The following DOCK8 variants were observed in gnomAD, a reference collection of about 807,000 sequenced individuals.
DOCK8 encodes the protein dedicator of cytokinesis protein 8.
A neutral mutation model predicts 245.6 loss-of-function variants in DOCK8; 141 were observed. The ratio of observed to expected loss-of-function variants is 0.57; its 90% CI spans 0.50 to 0.66. DOCK8 has a LOEUF of 0.66. DOCK8 is among the 30% of genes least tolerant of loss of function. The pLI, the probability that DOCK8 is intolerant of heterozygous loss-of-function variation, is 0.00. For missense variants in DOCK8, 2,965 were observed against 2,603.4 expected (o/e 1.14, Z -3.02); for synonymous variants, 1,168 against 970.2 (o/e 1.20, Z -3.79).
Position 464,099 on chromosome 9 carries a change from A to G in DOCK8, c.6240-60A>G. On this transcript the variant is annotated intron_variant, in intron 47 of 47. Transcript: ENST00000432829. ...CCAACCCTTTCTAAAAGGCTAACTG[A>G]TCTTTTCTTGCTTCTGTACGCTCTC... is the stretch of plus-strand genomic sequence containing the variant. 21 of 1,432,682 alleles carry G rather than the reference A, an allele frequency of 1.5e-5. No individual in the cohort carries two copies. The South Asian group carries it at 2.3e-4, about 16-fold the overall frequency. 88.7% of individuals were successfully genotyped at this position (1,432,682 alleles called of 1,614,324 possible). A position where few individuals can be genotyped will look rare whatever the true frequency, so the allele number is the denominator to read the frequency against.
At chr9:272,885 T>C in intron 2 of DOCK8, 1 of 207,198 alleles carries the variant, frequency 4.8e-6, no homozygotes, top group Non-Finnish European at 8.4e-6. Flanking sequence ...GTGAGAGAGC[T>C]CCAGCCCTCC....
chr9:287,630 C>T (rs2048875367), intron 3 of DOCK8, among the ~76,000 whole-genome samples: 1 of 152,188 alleles, frequency 6.6e-6, no homozygotes, highest in Non-Finnish European at 1.5e-5. Flanking sequence ...AGACAGTCCT[C>T]ACTCACATAG....
At chr9:397,622 G>A (rs757850904) in intron 25 of DOCK8, among the ~76,000 whole-genome samples, 211 of 137,472 alleles carry the variant, frequency 1.5e-3, no homozygotes, top group Non-Finnish European at 2.7e-3. Context: ...CCCAGGAGGC[G>A]GAGGTTGCAG....
At chr9:214,608 C>G (rs150902456), upstream of DOCK8, 481 of 1,613,768 alleles carry the variant, frequency 3.0e-4, no homozygotes, top group Non-Finnish European at 3.9e-4. Context: ...GCAGATGGAG[C>G]TTCCGGCCTG....
At chr9:281,834 T>G (rs1348131656) in intron 2 of DOCK8, among the ~76,000 whole-genome samples, 1 of 152,222 alleles carries the variant, frequency 6.6e-6, no homozygotes, top group Non-Finnish European at 1.5e-5. Context: ...AGGGCAAGAC[T>G]AGTTTACACC....
At chr9:253,514 CT>C (rs1184746164) in intron 1 of DOCK8, among the ~76,000 whole-genome samples, 1 of 152,194 alleles carries the variant, frequency 6.6e-6, no homozygotes, top group Non-Finnish European at 1.5e-5. Context: ...CCCTTAACTT[CT>C]TTGAGTGTTT....
chr9:288,919 A>G (rs1388643922), intron 3 of DOCK8, among the ~76,000 whole-genome samples: 1 of 152,250 alleles, frequency 6.6e-6, no homozygotes, highest in Non-Finnish European at 1.5e-5. Context: ...AACAATAGCA[A>G]AAAGCTTTGC....
chr9:411,563 C>T (rs961075075), intron 28 of DOCK8, among the ~76,000 whole-genome samples: 3 of 152,060 alleles, frequency 2.0e-5, no homozygotes, highest in African/African-American at 4.8e-5. Flanking sequence ...TCTCTTCCAA[C>T]GAATGGAAGA....
At chr9:230,825 C>T (rs2047098250) in intron 1 of DOCK8, among the ~76,000 whole-genome samples, 2 of 152,038 alleles carry the variant, frequency 1.3e-5, no homozygotes, top group South Asian at 4.1e-4. Context: ...GAGTAGGTTG[C>T]AAAAATTTTC....
chr9:295,353 A>G lies in DOCK8; in HGVS notation c.404+5772A>G, dbSNP rs760644096. On this transcript the variant is annotated intron_variant, in intron 4 of 47. Transcript: ENST00000432829. Reference sequence around the variant, plus strand: ...GCGTGGTGCTGGGACTGTAGTGCCCATGATGTAAAATCTGCCTTGGACCAT... The same window carrying G: ...GCGTGGTGCTGGGACTGTAGTGCCCGTGATGTAAAATCTGCCTTGGACCAT... Among the ~76,000 whole-genome samples, 75 of 152,188 alleles carry G rather than the reference A, an allele frequency of 4.9e-4. 1 individual carries two copies. The highest frequency in any genetic ancestry group is 1.0e-3 in the Non-Finnish European group (69 of 68,036).
intron 17 of DOCK8, 92 bp from the exon 18 acceptor site, chr9:372,093 T>C: frequency 9.0e-7 from 1 of 1,111,130 alleles, no homozygotes; most frequent in Non-Finnish European, 1.3e-6. Context: ...CTACTCACTG[T>C]TTAGTTGCAT....
chr9:243,545 G>T (rs1181888210), intron 1 of DOCK8, among the ~76,000 whole-genome samples: 3 of 152,144 alleles, frequency 2.0e-5, no homozygotes, highest in South Asian at 4.1e-4. Context: ...GATCAGATTA[G>T]TTCCGTGACA....
chr9:236,583 T>C (rs2047254650), intron 1 of DOCK8, among the ~76,000 whole-genome samples: 1 of 152,170 alleles, frequency 6.6e-6, no homozygotes, highest in Non-Finnish European at 1.5e-5. Flanking sequence ...CTGTAGTAGG[T>C]CCAAATCATC....
intron 4 of DOCK8, among the ~76,000 whole-genome samples, chr9:297,816 T>G (rs978394228): frequency 2.0e-5 from 3 of 152,214 alleles, no homozygotes; most frequent in African/African-American, 7.2e-5. Flanking sequence ...AAACCTAGTA[T>G]GAGGAAGAGA....
chr9:245,849 A>C (rs575139139), intron 1 of DOCK8, among the ~76,000 whole-genome samples: 23 of 152,332 alleles, frequency 1.5e-4, no homozygotes, highest in African/African-American at 5.5e-4. Context: ...TAAAACTTTA[A>C]ACTTGCTGGA....
intron 46 of DOCK8, among the ~76,000 whole-genome samples, chr9:459,049 C>T (rs146237507): frequency 3.3e-5 from 5 of 152,220 alleles, no homozygotes; most frequent in African/African-American, 4.8e-5. Flanking sequence ...TACTTGTGTT[C>T]GGTGAATTTA....
At chr9:370,512 A>G (rs180728899) in intron 16 of DOCK8, among the ~76,000 whole-genome samples, 6 of 152,304 alleles carry the variant, frequency 3.9e-5, no homozygotes, top group Admixed American at 3.3e-4. Context: ...CAAGAATCCA[A>G]TATAGTTTTG....
chr9:330,041 A>T (rs1207144677), intron 9 of DOCK8, among the ~76,000 whole-genome samples: 1 of 152,170 alleles, frequency 6.6e-6, no homozygotes, highest in African/African-American at 2.4e-5. Context: ...GGCAGACATT[A>T]TTTGGTAAGA....
At chr9:443,537 A>G (rs2057156907) in intron 43 of DOCK8, 21 bp downstream of exon 43, 2 of 1,584,770 alleles carry the variant, frequency 1.3e-6, no homozygotes, top group East Asian at 2.2e-5. Flanking sequence ...ATTTACAAAA[A>G]CTAACCATCA....
Sources: gnomAD v4.1 joint callset for allele counts (sites outside exome capture counted in the v4.1 genomes callset) on GRCh38, gnomAD v4.1.1 for gene constraint, MANE v1.5 for transcripts, NCBI Gene and HGNC (gene_info 2026-07-23, HGNC 2026-07-21) for gene names.